USP46: variants seen among roughly 807,000 people sequenced by gnomAD.
USP46 encodes ubiquitin carboxyl-terminal hydrolase 46.
A neutral mutation model predicts 44.4 loss-of-function variants in USP46; 12 were observed. The observed-to-expected ratio is 0.27, with a 90% confidence interval of 0.17 to 0.44. The LOEUF (loss-of-function observed/expected upper bound fraction) is 0.44, where lower values mean the gene tolerates loss of function less well. Among genes scored for constraint, USP46 ranks in the 20% least tolerant of loss-of-function variants. The pLI, the probability that USP46 is intolerant of heterozygous loss-of-function variation, is 1.00. For synonymous variants in USP46, 155 were observed against 161.5 expected (o/e 0.96, Z 0.31); for missense variants, 248 against 444.8 (o/e 0.56, Z 3.98).
At chr4:52,598,747 T>G (rs374587502) in intron 7 of USP46, 41 bp from the exon 8 acceptor site, 2 of 1,540,440 alleles carry the variant, frequency 1.3e-6, no homozygotes, top group Admixed American at 1.9e-5. Flanking sequence ...AAGTTAACAT[T>G]TATCTCTTTA....
chr4:52,646,103 G>A (rs1186842359), intron 1 of USP46, among the ~76,000 whole-genome samples: 1 of 152,120 alleles, frequency 6.6e-6, no homozygotes, highest in Admixed American at 6.5e-5. Flanking sequence ...CTGTGAGAAT[G>A]GACTAATATA....
intron 1 of USP46, among the ~76,000 whole-genome samples, chr4:52,651,815 C>T (rs572559510): frequency 6.6e-6 from 1 of 152,278 alleles, no homozygotes; most frequent in East Asian, 1.9e-4. Flanking sequence ...TTGAACAAGG[C>T]CTTGCTGGCA....
chr4:52,641,566 C>T (rs946061413), intron 1 of USP46, among the ~76,000 whole-genome samples: 7 of 152,082 alleles, frequency 4.6e-5, no homozygotes, highest in African/African-American at 7.2e-5. Flanking sequence ...AGGATGAAGA[C>T]GGCCTTGCCC....
chr4:52,604,616 A>G, intron 5 of USP46, 32 bp from the exon 6 acceptor site: 2 of 1,490,958 alleles, frequency 1.3e-6, no homozygotes, highest in Non-Finnish European at 1.8e-6. Flanking sequence ...TCTTTAAAAA[A>G]TGTCCAAATC....
At chr4:52,644,180 C>T (rs1409993301) in intron 1 of USP46, among the ~76,000 whole-genome samples, 1 of 152,162 alleles carries the variant, frequency 6.6e-6, no homozygotes, top group East Asian at 1.9e-4. Context: ...CATGTCATAG[C>T]TGAAGGAAAT....
In USP46 at chr4:52,594,016, A is replaced by G. The variant is rs1716128916; in HGVS notation, c.*3624T>C. The G allele has an allele frequency of 6.6e-6, 1 of 152,340 alleles. No individual in the cohort carries two copies. The highest frequency in any genetic ancestry group is 6.5e-5 in the Admixed American group (1 of 15,304). The allele number at this position is 152,340 out of a possible 1,614,324, so 9.4% of individuals were successfully genotyped here. Reference sequence around the variant, plus strand: ...ACCTTGAGAGTAATACTGCCTTTATATATTATAATGATCAGAATGTTCTGT... The same window carrying G: ...ACCTTGAGAGTAATACTGCCTTTATGTATTATAATGATCAGAATGTTCTGT... On this transcript the variant is annotated 3_prime_UTR_variant, in exon 9 of 9. Transcript: ENST00000441222.
intron 1 of USP46, among the ~76,000 whole-genome samples, chr4:52,649,437 T>G (rs899371574): frequency 1.1e-4 from 16 of 152,248 alleles, no homozygotes; most frequent in Non-Finnish European, 2.2e-4. Flanking sequence ...GGATTCTGAA[T>G]TCCAAACTCC....
chr4:52,622,507 T>C (rs955102694), intron 4 of USP46, among the ~76,000 whole-genome samples: 2 of 152,180 alleles, frequency 1.3e-5, no homozygotes, highest in African/African-American at 4.8e-5. Context: ...CATTTATTTA[T>C]TCACTCAACT....
At chr4:52,605,218 G>A (rs1307072320) in intron 5 of USP46, among the ~76,000 whole-genome samples, 1 of 152,134 alleles carries the variant, frequency 6.6e-6, no homozygotes, top group African/African-American at 2.4e-5. Context: ...CTGCTCCCCC[G>A]CCGGAGGAGA....
chr4:52,647,529 A>G (rs1718590843), intron 1 of USP46, among the ~76,000 whole-genome samples: 1 of 152,208 alleles, frequency 6.6e-6, no homozygotes, highest in Admixed American at 6.5e-5. Context: ...AAATGACACA[A>G]AAGAGTGTGG....
chr4:52,612,216 G>A (rs1426099421), intron 4 of USP46, among the ~76,000 whole-genome samples: 1 of 152,154 alleles, frequency 6.6e-6, no homozygotes, highest in Non-Finnish European at 1.5e-5. Context: ...TGAAAAACTA[G>A]GTTATACAAC....
intron 1 of USP46, chr4:52,656,251 C>T: frequency 6.5e-7 from 1 of 1,545,032 alleles, no homozygotes; most frequent in Non-Finnish European, 8.8e-7. Context: ...AGTAAGAGGC[C>T]CACAGAGGAG....
intron 4 of USP46, among the ~76,000 whole-genome samples, chr4:52,616,665 G>A (rs1717163910): frequency 6.6e-6 from 1 of 152,154 alleles, no homozygotes; most frequent in African/African-American, 2.4e-5. Context: ...GAGCCACCGT[G>A]CCTGCCTGAG....
intron 1 of USP46, chr4:52,658,027 G>A (rs1719018484): frequency 3.0e-6 from 1 of 331,078 alleles, no homozygotes; most frequent in Non-Finnish European, 6.1e-6. Context: ...ATTCCCTTTA[G>A]GGGCCAGTAT....
At chr4:52,599,725 T>TA (rs1173004059) in intron 7 of USP46, among the ~76,000 whole-genome samples, 1 of 152,138 alleles carries the variant, frequency 6.6e-6, no homozygotes, top group Non-Finnish European at 1.5e-5. Context: ...AATGCACTGT[T>TA]AAAGTTGAAA....
chr4:52,630,786 T>G (rs1050039273), intron 2 of USP46, among the ~76,000 whole-genome samples: 3 of 148,540 alleles, frequency 2.0e-5, no homozygotes, highest in Non-Finnish European at 1.5e-5. Flanking sequence ...CAAAGACTAA[T>G]GAAATTATTA....
At chr4:52,602,152 TC>T in intron 6 of USP46, 98 bp from the exon 7 acceptor site, 5 of 1,366,482 alleles carry the variant, frequency 3.7e-6, no homozygotes, top group Middle Eastern at 1.9e-4. Context: ...GGAGGTTCTA[TC>T]CAACTTCAAA....
rs1715988613 is a variant in USP46, at chr4:52,591,016, ATCT to A, written c.*6621_*6623del. On this transcript the variant is annotated 3_prime_UTR_variant, in exon 9 of 9. Coordinates refer to ENST00000441222, the MANE Select transcript of USP46 (RefSeq NM_022832.4). ...TTCACAGGAGAGGTGGAGAAGGCCA[ATCT>A]TCTTCACACAAGTTTTATAACCCAT... The A allele has an allele frequency of 6.6e-6, 1 of 152,202 alleles. No homozygotes were observed. The highest frequency in any genetic ancestry group is 6.5e-5 in the Admixed American group (1 of 15,274). 9.4% of individuals were successfully genotyped at this position (152,202 alleles called of 1,614,324 possible).
At chr4:52,615,171 C>T (rs1717081735) in intron 4 of USP46, among the ~76,000 whole-genome samples, 1 of 151,756 alleles carries the variant, frequency 6.6e-6, no homozygotes. Flanking sequence ...AGCCCCAAAC[C>T]CAACTATATC....
Sources: allele counts gnomAD v4.1 joint callset (sites outside exome capture counted in the v4.1 genomes callset), GRCh38; gene constraint gnomAD v4.1.1; transcripts MANE v1.5; gene names NCBI Gene and HGNC (gene_info 2026-07-23, HGNC 2026-07-21).